The following ZNF597 variants were observed in gnomAD, a reference collection of about 807,000 sequenced individuals.
The protein encoded by ZNF597 is zinc finger protein 597.
A neutral mutation model predicts 7.3 loss-of-function variants in ZNF597; 5 were observed. The observed-to-expected ratio is 0.68, with a 90% confidence interval of 0.36 to 1.44. ZNF597 has a LOEUF of 1.44. Ranked by LOEUF, ZNF597 falls within the 40% of genes most tolerant of loss-of-function variation. The probability of loss-of-function intolerance (pLI) is 0.04; values close to 1 mark genes in which losing one functional copy is unlikely to be tolerated. For missense variants in ZNF597, 585 were observed against 517.9 expected, an observed-to-expected ratio of 1.13 and a Z score of -1.26; for synonymous variants, 209 against 185.4, an observed-to-expected ratio of 1.13 and a Z score of -1.04.
At position 3,443,213 on chromosome 16, in the gene ZNF597, G is replaced by A. The variant is rs962664431; in HGVS notation, c.-53-7C>T. ...CAGGGACTTCGTGACAAAGCTGCGG[G>A]GGGAGAGAACAGTTCTTAAAGGGAC... On this transcript the variant is annotated splice_polypyrimidine_tract_variant and splice_region_variant and intron_variant, in intron 1 of 3. Coordinates refer to ENST00000301744, the MANE Select transcript of ZNF597 (RefSeq NM_152457.3). The A allele has an allele frequency of 1.3e-5, 20 of 1,563,754 alleles. No individual in the cohort carries two copies. The highest frequency in any genetic ancestry group is 1.7e-4 in the Middle Eastern group (1 of 5,926).
intron 3 of ZNF597, among the ~76,000 whole-genome samples, chr16:3,440,000 ACT>A (rs1471248684): frequency 7.2e-5 from 11 of 152,150 alleles, no homozygotes; most frequent in Admixed American, 7.2e-4. Context: ...ATAACTAGTT[ACT>A]CTAGTTATTT....
intron 2 of ZNF597, among the ~76,000 whole-genome samples, 196 bp downstream of exon 2, chr16:3,442,925 T>C (rs1474723245): frequency 6.6e-6 from 1 of 152,066 alleles, no homozygotes; most frequent in African/African-American, 2.4e-5. Flanking sequence ...TGCTCCCAGT[T>C]GGTAGTTCTG....
intron 2 of ZNF597, among the ~76,000 whole-genome samples, chr16:3,442,919 C>G (rs2034412029): frequency 6.6e-6 from 1 of 152,120 alleles, no homozygotes; most frequent in African/African-American, 2.4e-5. Flanking sequence ...GGTCCCTGCT[C>G]CCAGTTGGTA....
At chr16:3,442,179 T>C (rs765426859) in intron 2 of ZNF597, among the ~76,000 whole-genome samples, 27 of 152,162 alleles carry the variant, frequency 1.8e-4, no homozygotes, top group Admixed American at 3.9e-4. Flanking sequence ...ATTAATCACT[T>C]GGGATTTATT....
At chr16:3,442,159 G>A (rs1041698033) in intron 2 of ZNF597, among the ~76,000 whole-genome samples, 3 of 152,076 alleles carry the variant, frequency 2.0e-5, no homozygotes, top group African/African-American at 7.2e-5. Context: ...CTTCTCTAAC[G>A]GTGTGATAAA....
rs1026365157 is a variant in ZNF597 at position 3,434,121 on chromosome 16, C to T, written c.*2303G>A. On this transcript the variant is annotated 3_prime_UTR_variant, in exon 4 of 4. Coordinates refer to ENST00000301744, the MANE Select transcript of ZNF597 (RefSeq NM_152457.3). ...GAGCCAAAACAAAAATGACAGCATACATCTTTTATATCACCCCCATTCTGT... is the reference window on the plus strand; with the variant it reads ...GAGCCAAAACAAAAATGACAGCATATATCTTTTATATCACCCCCATTCTGT... The T allele has an allele frequency of 1.3e-5, 2 of 152,226 alleles. No homozygotes were observed. Among genetic ancestry groups the T allele is most frequent in the Admixed American group, 1.3e-4 (2 of 15,282 alleles). The allele number at this position is 152,226 out of a possible 1,614,324, so 9.4% of individuals were successfully genotyped here.
At chr16:3,440,617 G>A (rs545490885) in intron 3 of ZNF597, among the ~76,000 whole-genome samples, 190 bp downstream of exon 3, 1 of 151,704 alleles carries the variant, frequency 6.6e-6, no homozygotes, top group Non-Finnish European at 1.5e-5. Flanking sequence ...CTGGGCAACA[G>A]AGCGAGAGTC....
intron 3 of ZNF597, 133 bp from the exon 4 acceptor site, chr16:3,437,671 C>T: frequency 2.2e-6 from 3 of 1,378,814 alleles, no homozygotes; most frequent in South Asian, 3.2e-5. Context: ...AGACACTAAC[C>T]ACACAAAATC....
rs967546865 is a variant in ZNF597, at chr16:3,433,134, T to C, written c.*3290A>G. 5 of 152,194 alleles carry C rather than the reference T, an allele frequency of 3.3e-5. No individual in the cohort carries two copies. The highest frequency in any genetic ancestry group is 4.8e-5 in the African/African-American group (2 of 41,440). The allele number at this position is 152,194 out of a possible 1,614,324, so 9.4% of individuals were successfully genotyped here. On this transcript the variant is annotated 3_prime_UTR_variant, in exon 4 of 4. Coordinates refer to ENST00000301744, the MANE Select transcript of ZNF597 (RefSeq NM_152457.3). ...AGTTTTAACTCCCTGAATTATTGGG[T>C]TAGTCATTTTCTATGTTAAATGAGG...
In ZNF597 at chr16:3,436,657, T is replaced by A. The variant is rs146018666; in HGVS notation, c.1042A>T (p.Met348Leu). ...FKPLQCPDCD[M>L]TFPCFSELIS... ...AGCTCAGAGAAACAAGGAAAGGTCA[T>A]GTCACAGTCAGGACACTGTAAGGGC... is the stretch of plus-strand genomic sequence containing the variant. The change falls in exon 4 of 4, where the codon ATG becomes TTG. Residue 348 changes from methionine (M) to leucine (L), a missense_variant. Transcript: ENST00000301744. 58 of 1,611,618 alleles carry A rather than the reference T, an allele frequency of 3.6e-5. No homozygotes were observed. In the African/African-American group the frequency reaches 6.5e-4, roughly 18 times the overall value.
chr16:3,442,605 G>A (rs527664368), intron 2 of ZNF597, among the ~76,000 whole-genome samples: 1 of 151,880 alleles, frequency 6.6e-6, no homozygotes, highest in Non-Finnish European at 1.5e-5. Context: ...AACCCGGGAG[G>A]CGGAGCTTGC....
Position 3,436,517 on chromosome 16 carries a change from C to T in ZNF597, c.1182G>A (p.Ala394=), listed in dbSNP as rs372972758. 3.0e-5 allele frequency: 48 copies of T among 1,614,000 alleles called. No homozygotes were observed. The Admixed American group carries it at 3.2e-4, about 11-fold the overall frequency. ...CACACACGGTACATTTAAAAGGTTC[C>T]GCTAGCATGTGGCTCTTCTGGTGGC... ...LACHQKSHML[A]EPFKCTVCGK... The change falls in exon 4 of 4, where the codon GCG becomes GCA. Residue 394 remains alanine (A), a synonymous_variant. Coordinates refer to ENST00000301744, the MANE Select transcript of ZNF597 (RefSeq NM_152457.3).
At chr16:3,440,757 C>T (rs372252543) in intron 3 of ZNF597, 50 bp downstream of exon 3, 15 of 1,605,758 alleles carry the variant, frequency 9.3e-6, no homozygotes, top group Admixed American at 1.7e-5. Flanking sequence ...ATGAAGTTCT[C>T]CTCCTAGAAT....
In ZNF597 at chr16:3,437,066, A is replaced by G; in HGVS notation, c.633T>C (p.Pro211=). Residue 211 remains proline (P), a synonymous_variant, in exon 4 of 4, where the codon CCT becomes CCC. Coordinates refer to ENST00000301744, the MANE Select transcript of ZNF597 (RefSeq NM_152457.3). ...THRRIHTGEK[P]YKCAKCSASF... is the part of the protein sequence containing the mutation. ...TGGCACTGCACTTGGCACACTTATA[A>G]GGTTTCTCACCAGTATGGATTCTCC... 6.2e-7 allele frequency: 1 copy of G among 1,614,148 alleles called. No homozygotes were observed. Among genetic ancestry groups the G allele is most frequent in the South Asian group, 1.1e-5 (1 of 91,088 alleles).
At position 3,433,426 on chromosome 16, in the gene ZNF597, C is replaced by G. The variant is rs1352864357; in HGVS notation, c.*2998G>C. 1 of 152,204 alleles carries G rather than the reference C, an allele frequency of 6.6e-6. No individual in the cohort carries two copies. The highest frequency in any genetic ancestry group is 1.5e-5 in the Non-Finnish European group (1 of 68,028). 9.4% of individuals were successfully genotyped at this position (152,204 alleles called of 1,614,324 possible). A position where few individuals can be genotyped will look rare whatever the true frequency, so the allele number is the denominator to read the frequency against. ...CAAAAACGGAGAAATTTGTCTGAGT[C>G]AATTTATTCAGCACAAAGTTTTCAC... On this transcript the variant is annotated 3_prime_UTR_variant, in exon 4 of 4. Coordinates refer to ENST00000301744, the MANE Select transcript of ZNF597 (RefSeq NM_152457.3).
chr16:3,442,382 A>C (rs2034394557), intron 2 of ZNF597, among the ~76,000 whole-genome samples: 3 of 152,138 alleles, frequency 2.0e-5, no homozygotes, highest in African/African-American at 4.8e-5. Flanking sequence ...CCATCTCCAT[A>C]AAGAAGTTTT....
At position 3,434,799 on chromosome 16, in the gene ZNF597, C is replaced by T. The variant is rs1028510346; in HGVS notation, c.*1625G>A. On this transcript the variant is annotated 3_prime_UTR_variant, in exon 4 of 4. Transcript: ENST00000301744. ...TATCTTTTCTCCCAGCAAAAATTCC[C>T]AGCAACAATTCAATTTTAGCAAATA... 31 of 152,164 alleles carry T rather than the reference C, an allele frequency of 2.0e-4. No homozygotes were observed. The highest frequency in any genetic ancestry group is 7.5e-4 in the African/African-American group (31 of 41,440). 9.4% of individuals were successfully genotyped at this position (152,164 alleles called of 1,614,324 possible). A position where few individuals can be genotyped will look rare whatever the true frequency, so the allele number is the denominator to read the frequency against.
intron 2 of ZNF597, among the ~76,000 whole-genome samples, chr16:3,442,499 C>T (rs2034397903): frequency 6.6e-6 from 1 of 152,008 alleles, no homozygotes; most frequent in Non-Finnish European, 1.5e-5. Flanking sequence ...CACGGTGAAA[C>T]CCCGTCTCTA....
rs754321944 is a variant in ZNF597 at position 3,440,930 on chromosome 16, G to A, written c.37C>T (p.Pro13Ser). 1.9e-6 allele frequency: 3 copies of A among 1,613,254 alleles called. No individual in the cohort carries two copies. Among genetic ancestry groups the A allele is most frequent in the South Asian group, 1.1e-5 (1 of 91,006 alleles). Residue 13 changes from proline to serine, a missense_variant, in exon 3 of 4, where the codon CCA (proline) becomes TCA (serine). Coordinates refer to ENST00000301744, the MANE Select transcript of ZNF597 (RefSeq NM_152457.3). The stretch of plus-strand genomic sequence containing the variant: ...ACAGCCAGATCCTCAAAGAGTATTG[G>A]TCCCTGAAACACAAGAGCCTGTGTC... ...SMPPTPEAQG[P>S]ILFEDLAVYF...
Sources: gnomAD v4.1 joint callset for allele counts (sites outside exome capture counted in the v4.1 genomes callset) on GRCh38, gnomAD v4.1.1 for gene constraint, MANE v1.5 for transcripts, NCBI Gene and HGNC (gene_info 2026-07-23, HGNC 2026-07-21) for gene names.